Variants in SLC26A4 observed in about 807,000 individuals in gnomAD.
SLC26A4 encodes pendrin.
Under a neutral mutation model 90.4 loss-of-function variants are expected in SLC26A4, and 93 were observed. That is an observed-to-expected ratio of 1.03 (90% CI 0.87 to 1.22). The LOEUF is 1.22. SLC26A4 is among the 50% of genes most tolerant of loss of function. The pLI, the probability that SLC26A4 is intolerant of heterozygous loss-of-function variation, is 0.00. For synonymous variants in SLC26A4, 393 were observed against 354.6 expected, an observed-to-expected ratio of 1.11 and a Z score of -1.22; for missense variants, 1,127 against 946.2, an observed-to-expected ratio of 1.19 and a Z score of -2.51.
At chr7:107,673,840 C>A (rs540279943) in intron 4 of SLC26A4, among the ~76,000 whole-genome samples, 5 of 152,206 alleles carry the variant, frequency 3.3e-5, no homozygotes, top group South Asian at 2.1e-4. Flanking sequence ...GCAATCCCCC[C>A]ACCTCAGCCT....
intron 3 of SLC26A4, among the ~76,000 whole-genome samples, chr7:107,664,527 C>T (rs1790657162): frequency 6.6e-6 from 1 of 151,800 alleles, no homozygotes; most frequent in Non-Finnish European, 1.5e-5. Flanking sequence ...CCACCATGCC[C>T]AGCCTCCCAC....
chr7:107,681,824 C>A (rs1791237571), intron 6 of SLC26A4, among the ~76,000 whole-genome samples: 1 of 151,816 alleles, frequency 6.6e-6, no homozygotes. Context: ...GTAGCTCATG[C>A]CTGTAACCCC....
rs1430501263 is a variant in SLC26A4 at position 107,715,500 on chromosome 7, A to G, written c.*54A>G. 8 of 1,298,112 alleles carry G rather than the reference A, an allele frequency of 6.2e-6. No homozygotes were observed. Among genetic ancestry groups the G allele is most frequent in the Non-Finnish European group, 9.0e-6 (8 of 891,316 alleles). 80.4% of individuals were successfully genotyped at this position (1,298,112 alleles called of 1,614,324 possible). The stretch of plus-strand genomic sequence containing the variant: ...AGGAATACAAGACAAAACTTCCTCA[A>G]TGCATTGACTATTTCTTCAGACTCA... On this transcript the variant is annotated 3_prime_UTR_variant, in exon 21 of 21. Transcript: ENST00000644269.
Position 107,694,784 on chromosome 7 carries a change from C to G in SLC26A4, c.1437+68C>G. Reference sequence around the variant, plus strand: ...TTCTTATATGCTTCCTGCCATATCACTATATTCCCCCCATCCCCTAAGTCT... The same window carrying G: ...TTCTTATATGCTTCCTGCCATATCAGTATATTCCCCCCATCCCCTAAGTCT... On this transcript the variant is annotated intron_variant, in intron 12 of 20. Transcript: ENST00000644269. 4.9e-6 allele frequency: 5 copies of G among 1,021,826 alleles called. No individual in the cohort carries two copies. The South Asian group carries it at 6.4e-5, about 13-fold the overall frequency. The allele number at this position is 1,021,826 out of a possible 1,614,324, so 63.3% of individuals were successfully genotyped here. A position where few individuals can be genotyped will look rare whatever the true frequency, so the allele number is the denominator to read the frequency against.
intron 10 of SLC26A4, among the ~76,000 whole-genome samples, chr7:107,691,443 A>C (rs1158441733): frequency 6.6e-6 from 1 of 151,044 alleles, no homozygotes; most frequent in Non-Finnish European, 1.5e-5. Flanking sequence ...TGGAGGTTGC[A>C]GTGAGCCAAT....
In SLC26A4 at chr7:107,683,274, G is replaced by C; in HGVS notation, c.838G>C (p.Val280Leu). The C allele has an allele frequency of 6.2e-7, 1 of 1,613,398 alleles. No individual in the cohort carries two copies. ...ADFTAGLLTIVVCMAVKELND... is the reference protein window; with the variant it reads ...ADFTAGLLTILVCMAVKELND... ...TTTCACTGCTGGATTGCTCACCATT[G>C]TCGTCTGTATGGCAGTTAAGGAATT... Residue 280 changes from valine (V) to leucine (L), a missense_variant, in exon 7 of 21, where the codon GTC becomes CTC. Physicochemically the swap from Val to Leu is conservative, Grantham distance 32 (BLOSUM62 1). Coordinates refer to ENST00000644269, the MANE Select transcript of SLC26A4 (RefSeq NM_000441.2).
Position 107,683,351 on chromosome 7 carries a change from T to TG in SLC26A4, c.916dup (p.Val306GlyfsTer24), listed in dbSNP as rs768245266. 2 of 1,613,480 alleles carry TG rather than the reference T, an allele frequency of 1.2e-6. No individual in the cohort carries two copies. The highest frequency in any genetic ancestry group is 4.5e-5 in the East Asian group (2 of 44,874). On this transcript the variant is annotated frameshift_variant, in exon 7 of 21. Transcript: ENST00000644269. LOFTEE classifies it high-confidence loss of function. ...CAGTCCCTATTCCTATAGAAGTAATTGTGGTAAGTAGAATATGTAGTTAGA... is the reference window on the plus strand; with the variant it reads ...CAGTCCCTATTCCTATAGAAGTAATTGGTGGTAAGTAGAATATGTAGTTAGA...
chr7:107,688,037 G>A (rs578080232), intron 8 of SLC26A4, among the ~76,000 whole-genome samples: 1 of 152,098 alleles, frequency 6.6e-6, no homozygotes, highest in Admixed American at 6.6e-5. Flanking sequence ...GACAGATCTT[G>A]TTAGGTAGGA....
At chr7:107,687,030 G>A (rs1791440972) in intron 8 of SLC26A4, among the ~76,000 whole-genome samples, 1 of 152,194 alleles carries the variant, frequency 6.6e-6, no homozygotes, top group East Asian at 1.9e-4. Context: ...CAAGTGTTCA[G>A]ACCCAGTCTG....
intron 10 of SLC26A4, chr7:107,693,717 C>T (rs1247760998): frequency 1.0e-6 from 1 of 992,056 alleles, no homozygotes; most frequent in Non-Finnish European, 1.2e-6. Flanking sequence ...CTGAAGCTTC[C>T]TTTTACCCCT....
At chr7:107,701,237 T>C in intron 16 of SLC26A4, 41 bp downstream of exon 16, 2 of 1,278,784 alleles carry the variant, frequency 1.6e-6, no homozygotes, top group East Asian at 2.3e-5. Context: ...ATTATTTCCT[T>C]TCCCTGATGA....
At chr7:107,682,234 C>T (rs550705671) in intron 6 of SLC26A4, among the ~76,000 whole-genome samples, 20 of 149,280 alleles carry the variant, frequency 1.3e-4, no homozygotes, top group Admixed American at 5.4e-4. Flanking sequence ...TGTTAAATGA[C>T]GAGTTAATGG....
chr7:107,661,787 G>C lies in SLC26A4; in HGVS notation c.146G>C (p.Ser49Thr). 4 of 1,538,964 alleles carry C rather than the reference G, an allele frequency of 2.6e-6. No homozygotes were observed. In the East Asian group the frequency reaches 9.8e-5, roughly 38 times the overall value. ...CAGGAGCGCAAGACGCTGCGGGAGA[G>C]CCTGGCCAAGTGCTGCAGGTAGCGG... ...RLQERKTLRESLAKCCSCSRK... is the reference protein window; with the variant it reads ...RLQERKTLRETLAKCCSCSRK... The change falls in exon 2 of 21, where the codon AGC (serine) becomes ACC (threonine). Residue 49 changes from serine to threonine, a missense_variant. Coordinates refer to ENST00000644269, the MANE Select transcript of SLC26A4 (RefSeq NM_000441.2). This position sits in a 1 kb window ranked among gnomAD's most constrained non-coding sequence, Gnocchi z 5.1.
chr7:107,707,555 A>G (rs1792066657), intron 18 of SLC26A4, among the ~76,000 whole-genome samples: 1 of 152,218 alleles, frequency 6.6e-6, no homozygotes, highest in Non-Finnish European at 1.5e-5. Flanking sequence ...TGAGTTACCC[A>G]ATTGACAAGG....
chr7:107,710,083 G>T lies in SLC26A4; in HGVS notation c.2119G>T (p.Gly707Trp). ...TGTGATAGAAAAGCTGGAGCAATGC[G>T]GGTTCTTTGACGACAACATTAGAAA... ...DYVIEKLEQC[G>W]FFDDNIRKDT... Residue 707 changes from glycine (G) to tryptophan (W), a missense_variant, in exon 19 of 21, where the codon GGG (glycine) becomes TGG (tryptophan). Coordinates refer to ENST00000644269, the MANE Select transcript of SLC26A4 (RefSeq NM_000441.2). The T allele has an allele frequency of 6.2e-7, 1 of 1,612,912 alleles. No individual in the cohort carries two copies. Among genetic ancestry groups the T allele is most frequent in the Admixed American group, 1.7e-5 (1 of 59,990 alleles).
In SLC26A4 at chr7:107,716,731, G is replaced by T. The variant is rs1347877026; in HGVS notation, c.*1285G>T. On this transcript the variant is annotated 3_prime_UTR_variant, in exon 21 of 21. Transcript: ENST00000644269. ...ATTTCTAGAGAAAAGTTATACCCAG[G>T]TCCCCAATTGAGAATGTCTTGCTTG... 6.6e-6 allele frequency: 1 copy of T among 152,044 alleles called. No homozygotes were observed. Among genetic ancestry groups the T allele is most frequent in the Non-Finnish European group, 1.5e-5 (1 of 68,006 alleles). 9.4% of individuals were successfully genotyped at this position (152,044 alleles called of 1,614,324 possible).
chr7:107,693,541 CTTTGT>C, intron 10 of SLC26A4: 3 of 985,104 alleles, frequency 3.0e-6, no homozygotes, highest in Non-Finnish European at 3.6e-6. Context: ...TCCTTTTCTT[CTTTGT>C]TTCAGAGCTT....
chr7:107,661,172 C>T lies in SLC26A4; in HGVS notation c.-4+317C>T, dbSNP rs1790535691. The T allele has an allele frequency of 4.9e-6, 1 of 203,286 alleles. No homozygotes were observed. Among genetic ancestry groups the T allele is most frequent in the African/African-American group, 2.4e-5 (1 of 41,944 alleles). 12.6% of individuals were successfully genotyped at this position (203,286 alleles called of 1,614,324 possible). The stretch of plus-strand genomic sequence containing the variant: ...GCCTGGCCCGGGGGTCTGCACCTCT[C>T]CTCCAGTGCGCACCTGGAGCTGCGT... On this transcript the variant is annotated intron_variant, in intron 1 of 20. Coordinates refer to ENST00000644269, the MANE Select transcript of SLC26A4 (RefSeq NM_000441.2). The surrounding 1 kb of genome is among the most constrained non-coding windows in gnomAD (Gnocchi z 5.1).
chr7:107,683,462 T>C lies in SLC26A4; in HGVS notation c.926T>C (p.Ile309Thr), dbSNP rs982108107. 3.1e-6 allele frequency: 5 copies of C among 1,613,690 alleles called. No individual in the cohort carries two copies. The highest frequency in any genetic ancestry group is 4.2e-6 in the Non-Finnish European group (5 of 1,179,772). Residue 309 changes from isoleucine to threonine, a missense_variant, in exon 8 of 21, where the codon ATT becomes ACT. Transcript: ENST00000644269. ...TCTTTTGTTTTATTTCAGACGATAATTGCTACTGCCATTTCATATGGAGCC... is the reference window on the plus strand; with the variant it reads ...TCTTTTGTTTTATTTCAGACGATAACTGCTACTGCCATTTCATATGGAGCC... ...PIPIEVIVTI[I>T]ATAISYGANL...
Sources: allele counts gnomAD v4.1 joint callset (sites outside exome capture counted in the v4.1 genomes callset), GRCh38; gene constraint gnomAD v4.1.1; non-coding constraint Gnocchi (gnomAD v3.1); transcripts MANE v1.5; gene names NCBI Gene and HGNC (gene_info 2026-07-23, HGNC 2026-07-21).